TMEM145: variants seen among roughly 807,000 people sequenced by gnomAD.
TMEM145 encodes transmembrane protein 145.
Under a neutral mutation model 68.5 loss-of-function variants are expected in TMEM145, and 46 were observed. The ratio of observed to expected loss-of-function variants is 0.67; its 90% CI spans 0.53 to 0.86. The LOEUF is 0.86. Ranked by LOEUF, TMEM145 falls within the 40% of genes least tolerant of loss-of-function variation. TMEM145 has a pLI of 0.00. For missense variants in TMEM145, 570 were observed against 645.8 expected (o/e 0.88, Z 1.27); for synonymous variants, 255 against 280.2 (o/e 0.91, Z 0.90).
rs868567795 is a variant in TMEM145 at position 42,317,613 on chromosome 19, G to A, written c.901-96G>A. 6.6e-5 allele frequency: 80 copies of A among 1,208,622 alleles called. 1 individual carries two copies. The Middle Eastern group carries it at 9.1e-4, about 14-fold the overall frequency. The allele number at this position is 1,208,622 out of a possible 1,614,324, so 74.9% of individuals were successfully genotyped here. Reference sequence around the variant, plus strand: ...CTCTCCTGTTGCTTGTGTTCTGACCGAGTACCTCTGTTCCCAAGTGCCCAG... The same window carrying A: ...CTCTCCTGTTGCTTGTGTTCTGACCAAGTACCTCTGTTCCCAAGTGCCCAG... On this transcript the variant is annotated intron_variant, in intron 11 of 14. Coordinates refer to ENST00000301204, the MANE Select transcript of TMEM145 (RefSeq NM_173633.3).
intron 8 of TMEM145, 108 bp downstream of exon 8, chr19:42,315,548 G>T: frequency 1.6e-6 from 2 of 1,229,572 alleles, no homozygotes; most frequent in South Asian, 1.3e-5. Context: ...GGTCCTGGGG[G>T]AGGAGGGGCT....
intron 11 of TMEM145, 58 bp downstream of exon 11, chr19:42,317,021 C>G: frequency 6.8e-7 from 1 of 1,465,216 alleles, no homozygotes; most frequent in Non-Finnish European, 9.4e-7. Context: ...GCGCCGCCTC[C>G]CCCTTGACCT....
intron 12 of TMEM145, among the ~76,000 whole-genome samples, chr19:42,318,457 G>A (rs576906442): frequency 4.6e-5 from 7 of 151,546 alleles, no homozygotes; most frequent in Admixed American, 2.0e-4. Context: ...AGGCCAAGGC[G>A]GGTGGATCAC....
intron 12 of TMEM145, among the ~76,000 whole-genome samples, chr19:42,318,367 C>CAA (rs112206821): frequency 2.5e-4 from 17 of 66,842 alleles, no homozygotes; most frequent in African/African-American, 4.5e-4. Context: ...GACTCCATCT[C>CAA]AAAAAAAAAA....
intron 12 of TMEM145, among the ~76,000 whole-genome samples, chr19:42,319,639 G>A (rs1395443609): frequency 1.3e-5 from 2 of 152,028 alleles, no homozygotes; most frequent in Non-Finnish European, 2.9e-5. Context: ...TAGAGATGTG[G>A]TTTCCACCAT....
intron 11 of TMEM145, 122 bp downstream of exon 11, chr19:42,317,085 T>G: frequency 1.3e-6 from 1 of 774,518 alleles, no homozygotes; most frequent in Non-Finnish European, 2.2e-6. Context: ...TCTCTCCCAC[T>G]CTTCGATTTT....
intron 13 of TMEM145, chr19:42,321,216 C>T (rs2038907959): frequency 5.0e-6 from 2 of 397,550 alleles, no homozygotes; most frequent in African/African-American, 2.1e-5. Context: ...CAGGAGGGTA[C>T]AGCACCACAT....
chr19:42,317,934 G>A (rs373203046), intron 12 of TMEM145, 53 bp downstream of exon 12: 2 of 1,598,808 alleles, frequency 1.3e-6, no homozygotes, highest in Admixed American at 3.3e-5. Context: ...GGGCTCCCCA[G>A]AAGTGGTTGC....
chr19:42,321,339 C>T (rs915827789), intron 13 of TMEM145: 6 of 379,088 alleles, frequency 1.6e-5, no homozygotes, highest in African/African-American at 6.3e-5. Context: ...CCTCAGCCTC[C>T]GGAGTAGCTG....
In TMEM145 at chr19:42,324,785, C is replaced by G. The variant is rs778516864; in HGVS notation, c.1450C>G (p.Leu484Val). Reference protein sequence around the residue: ...PDSGLPLFRDLRPPGPLRDL With the variant: ...PDSGLPLFRDVRPPGPLRDL ...TTCTGGGCTCCCGCTGTTCCGTGAC[C>G]TCCGGCCCCCTGGCCCCCTTCGAGA... Residue 484 changes from leucine to valine, a missense_variant, in exon 15 of 15, where the codon CTC becomes GTC. Transcript: ENST00000301204. 4 of 1,569,956 alleles carry G rather than the reference C, an allele frequency of 2.5e-6. No individual in the cohort carries two copies. In the Admixed American group the frequency reaches 7.1e-5, roughly 28 times the overall value.
intron 13 of TMEM145, 45 bp downstream of exon 13, chr19:42,320,482 CA>C: frequency 1.9e-6 from 3 of 1,611,468 alleles, no homozygotes; most frequent in Non-Finnish European, 2.5e-6. Context: ...GACCCGAGGG[CA>C]GAAGATGTGT....
intron 8 of TMEM145, among the ~76,000 whole-genome samples, chr19:42,316,252 C>T (rs1470480033): frequency 1.3e-5 from 1 of 79,752 alleles, no homozygotes; most frequent in Non-Finnish European, 2.5e-5. Context: ...GGGTGAGGGC[C>T]TGGACCCCTG....
Position 42,323,572 on chromosome 19 carries a change from C to T in TMEM145, c.1195-11C>T, listed in dbSNP as rs776030668. ...AGTGCCTCTCACACCTGCTCCTGGC[C>T]CTGGCCTCAGATCATGACCCGCCCA... On this transcript the variant is annotated splice_polypyrimidine_tract_variant and intron_variant, in intron 13 of 14. Transcript: ENST00000301204. 6.2e-6 allele frequency: 10 copies of T among 1,613,318 alleles called. No individual in the cohort carries two copies. In the South Asian group the frequency reaches 1.1e-4, roughly 18 times the overall value.
Position 42,323,717 on chromosome 19 carries a change from G to C in TMEM145, c.1329G>C (p.Gly443=). ...AGGCCTTCCCGCAGCACGTCTATGG[G>C]AACGTGACGTTTATCAGCGACTCGG... ...ADKAFPQHVY[G]NVTFISDSVP... Residue 443 remains glycine (G), a synonymous_variant, in exon 14 of 15, where the codon GGG becomes GGC. Coordinates refer to ENST00000301204, the MANE Select transcript of TMEM145 (RefSeq NM_173633.3). 8 of 1,614,192 alleles carry C rather than the reference G, an allele frequency of 5.0e-6. No individual in the cohort carries two copies. Among genetic ancestry groups the C allele is most frequent in the Non-Finnish European group, 6.8e-6 (8 of 1,180,028 alleles).
intron 13 of TMEM145, chr19:42,321,027 C>T: frequency 2.5e-6 from 1 of 399,154 alleles, no homozygotes; most frequent in Non-Finnish European, 4.4e-6. Flanking sequence ...ATTTCCATTC[C>T]TGACCCTGTG....
At position 42,315,264 on chromosome 19, in the gene TMEM145, G is replaced by C; in HGVS notation, c.577+5G>C. The C allele has an allele frequency of 6.2e-7, 1 of 1,610,734 alleles. No homozygotes were observed. Among genetic ancestry groups the C allele is most frequent in the Non-Finnish European group, 8.5e-7 (1 of 1,177,524 alleles). On this transcript the variant is annotated splice_donor_5th_base_variant and intron_variant, in intron 7 of 14. Coordinates refer to ENST00000301204, the MANE Select transcript of TMEM145 (RefSeq NM_173633.3). ...TCCTCTCTTGTTACTTTGGATGTGA[G>C]TCTGGCACATGGGGTGTGGGGGAAG...
chr19:42,320,564 C>G, intron 13 of TMEM145, 127 bp downstream of exon 13: 3 of 1,362,452 alleles, frequency 2.2e-6, no homozygotes, highest in Non-Finnish European at 3.0e-6. Context: ...TAGTCATTCT[C>G]CCTTTATTGA....
chr19:42,323,835 CT>C, intron 14 of TMEM145, 46 bp downstream of exon 14: 1 of 1,564,066 alleles, frequency 6.4e-7, no homozygotes, highest in Admixed American at 1.7e-5. Flanking sequence ...GGCGCCGCCC[CT>C]GGAGTACCTG....
rs145910034 is a variant in TMEM145, at chr19:42,315,451, G to C, written c.646+11G>C. 8 of 1,614,032 alleles carry C rather than the reference G, an allele frequency of 5.0e-6. No individual in the cohort carries two copies. In the East Asian group the frequency reaches 1.1e-4, roughly 22 times the overall value. On this transcript the variant is annotated intron_variant, in intron 8 of 14. Coordinates refer to ENST00000301204, the MANE Select transcript of TMEM145 (RefSeq NM_173633.3). ...CAGCAGGAGTAGAGGGTGAGGTTCC[G>C]TGTCCCAACTTTTGGGTTCTGAAAG...
Sources: gnomAD v4.1 joint callset for allele counts (sites outside exome capture counted in the v4.1 genomes callset) on GRCh38, gnomAD v4.1.1 for gene constraint, MANE v1.5 for transcripts, NCBI Gene and HGNC (gene_info 2026-07-23, HGNC 2026-07-21) for gene names.